The following NCOA7 variants were observed in gnomAD, a reference collection of about 807,000 sequenced individuals.
The protein encoded by NCOA7 is 140 kDa estrogen receptor-associated protein.
Under a neutral mutation model 104.3 loss-of-function variants are expected in NCOA7, and 45 were observed. The ratio of observed to expected loss-of-function variants is 0.43; its 90% confidence interval spans 0.34 to 0.55. The LOEUF (loss-of-function observed/expected upper bound fraction) is 0.55. Among genes scored for constraint, NCOA7 ranks in the 20% least tolerant of loss-of-function variants. NCOA7 has a pLI of 0.02. For synonymous variants in NCOA7, 398 were observed against 402.3 expected, an observed-to-expected ratio of 0.99 and a Z score of 0.13; for missense variants, 1,041 against 1,119.7, an observed-to-expected ratio of 0.93 and a Z score of 1.00.
Position 125,801,821 on chromosome 6 carries a change from T to C in NCOA7, c.-65+10754T>C, listed in dbSNP as rs183571571. ...GGATTAGGGCACCACACCACTCCAG[T>C]GTGATTTCATCTTAACTAACTGTAT... On this transcript the variant is annotated intron_variant, in intron 1 of 15. Transcript: ENST00000392477. 3.5e-3 allele frequency among the ~76,000 whole-genome samples: 535 copies of C among 152,330 alleles called. 6 individuals are homozygous for C. Among genetic ancestry groups the C allele is most frequent in the African/African-American group, 0.012 (504 of 41,582 alleles).
rs1780759877 is a variant in NCOA7, at chr6:125,847,846, C to A, written c.51-7174C>A. Among the ~76,000 whole-genome samples the A allele has an allele frequency of 2.0e-5, 3 of 152,170 alleles. 1 individual carries two copies. The highest frequency in any genetic ancestry group is 2.0e-4 in the Admixed American group (3 of 15,272). Reference sequence around the variant, plus strand: ...AAGAGCTTCTGCACAGCAAAAGAAACTATCATCAGAGTGAACAGGAAACCT... The same window carrying A: ...AAGAGCTTCTGCACAGCAAAAGAAAATATCATCAGAGTGAACAGGAAACCT... On this transcript the variant is annotated intron_variant, in intron 2 of 15. Coordinates refer to ENST00000392477, the MANE Select transcript of NCOA7 (RefSeq NM_181782.5).
chr6:125,901,430 G>C (rs1438890513), intron 10 of NCOA7, among the ~76,000 whole-genome samples: 1 of 152,210 alleles, frequency 6.6e-6, no homozygotes, highest in Non-Finnish European at 1.5e-5. Context: ...TGAGATGAGA[G>C]AGTTCCCTTG....
Position 125,821,355 on chromosome 6 carries a change from T to C in NCOA7, c.50+5951T>C, listed in dbSNP as rs574039787. On this transcript the variant is annotated intron_variant, in intron 2 of 15. Transcript: ENST00000392477. ...ACTTCACTGAGATAAGATAGGCGTG[T>C]CAGGATTTGAACTCAGGTCTTCCCT... Among the ~76,000 whole-genome samples, 23 of 152,276 alleles carry C rather than the reference T, an allele frequency of 1.5e-4. No homozygotes were observed. In the South Asian group the frequency reaches 4.3e-3, roughly 29 times the overall value.
chr6:125,811,116 C>T (rs1262910651), intron 1 of NCOA7, among the ~76,000 whole-genome samples: 1 of 152,152 alleles, frequency 6.6e-6, no homozygotes, highest in African/African-American at 2.4e-5. Flanking sequence ...TTAAAATAAA[C>T]CACCTGACCC....
At chr6:125,870,837 G>A (rs1782830714) in intron 3 of NCOA7, among the ~76,000 whole-genome samples, 1 of 152,064 alleles carries the variant, frequency 6.6e-6, no homozygotes, top group South Asian at 2.1e-4. Context: ...TTATGGACAG[G>A]GCACCAAGAT....
At chr6:125,830,867 G>C (rs1214779411) in intron 2 of NCOA7, among the ~76,000 whole-genome samples, 1 of 151,580 alleles carries the variant, frequency 6.6e-6, no homozygotes, top group Admixed American at 6.6e-5. Flanking sequence ...TCATAGTGAG[G>C]GGGGAAAAGT....
intron 5 of NCOA7, among the ~76,000 whole-genome samples, chr6:125,878,624 C>T (rs1301324481): frequency 6.6e-6 from 1 of 152,156 alleles, no homozygotes; most frequent in South Asian, 2.1e-4. Flanking sequence ...ATCCTCCCAC[C>T]TCAGCCTCCC....
intron 2 of NCOA7, among the ~76,000 whole-genome samples, chr6:125,852,715 TGTGA>T (rs1781227479): frequency 6.6e-6 from 1 of 152,280 alleles, no homozygotes; most frequent in African/African-American, 2.4e-5. Flanking sequence ...ATCAGTTGGT[TGTGA>T]GTATTTGGCT....
intron 10 of NCOA7, among the ~76,000 whole-genome samples, chr6:125,898,374 A>G (rs1271649339): frequency 6.6e-6 from 1 of 152,172 alleles, no homozygotes; most frequent in Non-Finnish European, 1.5e-5. Flanking sequence ...TCATCATCCC[A>G]AGGAGAATTT....
rs1389195413 is a variant in NCOA7 at position 125,885,158 on chromosome 6, G to A, written c.700-1G>A. ...TTCTGTCCTGTTGCTTTCTCCTGCA[G>A]GGTGTGGTTGGCGGTGTTATGATAG... On this transcript the variant is annotated splice_acceptor_variant, in intron 7 of 15. Coordinates refer to ENST00000392477, the MANE Select transcript of NCOA7 (RefSeq NM_181782.5). LOFTEE classifies it high-confidence loss of function. The A allele has an allele frequency of 1.9e-6, 3 of 1,613,734 alleles. No individual in the cohort carries two copies. Among genetic ancestry groups the A allele is most frequent in the Non-Finnish European group, 2.5e-6 (3 of 1,179,830 alleles).
At chr6:125,790,457 G>A (rs1774722780), upstream of NCOA7, among the ~76,000 whole-genome samples, 3 of 152,312 alleles carry the variant, frequency 2.0e-5, no homozygotes, top group Admixed American at 1.3e-4. Flanking sequence ...ACAAAGGGCC[G>A]AGGCCTGCGG....
At position 125,794,955 on chromosome 6, in the gene NCOA7, TC is replaced by T. The variant is rs542874688; in HGVS notation, c.-65+3889del. Among the ~76,000 whole-genome samples the T allele has an allele frequency of 6.0e-3, 898 of 149,208 alleles. 6 individuals are homozygous for T. The highest frequency in any genetic ancestry group is 0.021 in the African/African-American group (858 of 40,468). On this transcript the variant is annotated intron_variant, in intron 1 of 15. Transcript: ENST00000392477. ...ACAATCTGACCTTCGCGTCAGTGAT[TC>T]ATGTGATTTATCCTTGTTTTAATAA...
chr6:125,883,081 G>A (rs1341755734), intron 7 of NCOA7, among the ~76,000 whole-genome samples: 2 of 152,130 alleles, frequency 1.3e-5, no homozygotes, highest in Non-Finnish European at 2.9e-5. Flanking sequence ...TGATGATATT[G>A]GTATTAATAT....
chr6:125,922,154 G>A (rs1207798940), intron 12 of NCOA7, among the ~76,000 whole-genome samples: 3 of 152,120 alleles, frequency 2.0e-5, no homozygotes, highest in African/African-American at 4.8e-5. Context: ...TACATTATTG[G>A]TTATTTATGG....
At chr6:125,841,956 T>C (rs952641393) in intron 2 of NCOA7, among the ~76,000 whole-genome samples, 1 of 152,230 alleles carries the variant, frequency 6.6e-6, no homozygotes, top group African/African-American at 2.4e-5. Flanking sequence ...ACTTCTAGTT[T>C]ATGACAATGA....
At chr6:125,912,800 A>C (rs1377186553) in intron 10 of NCOA7, among the ~76,000 whole-genome samples, 1 of 152,228 alleles carries the variant, frequency 6.6e-6, no homozygotes, top group Non-Finnish European at 1.5e-5. Flanking sequence ...CTTTTTCCCA[A>C]CAAATAATAA....
At chr6:125,926,216 C>T (rs1363642174) in intron 13 of NCOA7, among the ~76,000 whole-genome samples, 2 of 150,932 alleles carry the variant, frequency 1.3e-5, no homozygotes, top group East Asian at 2.0e-4. Context: ...GAGGCTGAGG[C>T]AGGAGAATCA....
Position 125,920,925 on chromosome 6 carries a change from C to A in NCOA7, c.2245-18C>A. The A allele has an allele frequency of 6.2e-7, 1 of 1,609,384 alleles. No individual in the cohort carries two copies. The highest frequency in any genetic ancestry group is 8.5e-7 in the Non-Finnish European group (1 of 1,176,876). On this transcript the variant is annotated intron_variant, in intron 11 of 15. Coordinates refer to ENST00000392477, the MANE Select transcript of NCOA7 (RefSeq NM_181782.5). The stretch of plus-strand genomic sequence containing the variant: ...AAAGCCAATAAGTTATTTTTCTTGG[C>A]TTGTTTTCTCATTTCAGATCATCAC...
chr6:125,827,057 C>T (rs539048841), intron 2 of NCOA7, among the ~76,000 whole-genome samples: 85 of 151,830 alleles, frequency 5.6e-4, no homozygotes, highest in Non-Finnish European at 1.0e-3. Context: ...ATTAGCTGGG[C>T]GTAGTGGCGC....
Sources: gnomAD v4.1 joint callset for allele counts (sites outside exome capture counted in the v4.1 genomes callset) on GRCh38, gnomAD v4.1.1 for gene constraint, MANE v1.5 for transcripts, NCBI Gene and HGNC (gene_info 2026-07-23, HGNC 2026-07-21) for gene names.